Variants in LYG1 observed in about 807,000 individuals in gnomAD.
LYG1 encodes the protein lysozyme g-like protein 1.
Under a neutral mutation model 21.7 loss-of-function variants are expected in LYG1, and 17 were observed. That is an observed-to-expected ratio of 0.78 (90% CI 0.54 to 1.18). LYG1 has a LOEUF of 1.18. LYG1 is among the 50% of genes most tolerant of loss of function. The probability of loss-of-function intolerance (pLI) is 0.00; values close to 1 mark genes in which losing one functional copy is unlikely to be tolerated. For missense variants in LYG1, 211 were observed against 238.1 expected (o/e 0.89, Z 0.75); for synonymous variants, 81 against 87.4 (o/e 0.93, Z 0.41).
At chr2:99,303,711 T>G (rs929924562), upstream of LYG1, among the ~76,000 whole-genome samples, 2 of 152,194 alleles carry the variant, frequency 1.3e-5, no homozygotes, top group South Asian at 4.1e-4. Flanking sequence ...GTGACGGGGC[T>G]ATGGCTTGGC....
At chr2:99,284,914 C>G in intron 5 of LYG1, 94 bp from the exon 6 acceptor site, 2 of 1,484,306 alleles carry the variant, frequency 1.3e-6, no homozygotes, top group Non-Finnish European at 1.8e-6. Context: ...TTTCCTGTCT[C>G]TTGTTCTCCT....
At chr2:99,289,471 C>A (rs572815493) in intron 5 of LYG1, among the ~76,000 whole-genome samples, 4 of 142,516 alleles carry the variant, frequency 2.8e-5, no homozygotes, top group African/African-American at 5.1e-5. Flanking sequence ...AAAAAAAAAT[C>A]TGTTAAGATG....
intron 5 of LYG1, among the ~76,000 whole-genome samples, chr2:99,286,113 G>C (rs2094098938): frequency 6.6e-6 from 1 of 152,156 alleles, no homozygotes; most frequent in Non-Finnish European, 1.5e-5. Flanking sequence ...CTCTCACCAT[G>C]TGAGGCCCTG....
upstream of LYG1, among the ~76,000 whole-genome samples, chr2:99,302,021 C>A (rs1032865221): frequency 1.3e-5 from 2 of 152,206 alleles, no homozygotes; most frequent in African/African-American, 4.8e-5. Flanking sequence ...ACACCCTGTG[C>A]CCCAGCTCAG....
rs775308503 is a variant in LYG1, at chr2:99,291,390, T to C, written c.180A>G (p.Ile60Met). The change falls in exon 5 of 7, where the codon ATA becomes ATG. Residue 60 changes from isoleucine to methionine, a missense_variant. Coordinates refer to ENST00000308528, the MANE Select transcript of LYG1 (RefSeq NM_174898.3). Reference protein sequence around the residue: ...GVRASERLAEIDMPYLLKYQP... With the variant: ...GVRASERLAEMDMPYLLKYQP... ...GATATTTCAGGAGGTATGGCATGTC[T>C]ATTTCAGCCAGCCTTTCAGAAGCAC... 6.2e-6 allele frequency: 10 copies of C among 1,614,186 alleles called. No individual in the cohort carries two copies. Among genetic ancestry groups the C allele is most frequent in the African/African-American group, 1.3e-5 (1 of 75,054 alleles).
chr2:99,303,837 C>T (rs748290177), upstream of LYG1, among the ~76,000 whole-genome samples: 1 of 151,110 alleles, frequency 6.6e-6, no homozygotes, highest in Non-Finnish European at 1.5e-5. Context: ...ATACTGTTCT[C>T]CTGGTAGTGA....
upstream of LYG1, among the ~76,000 whole-genome samples, chr2:99,301,808 C>T (rs2094155338): frequency 6.6e-6 from 1 of 150,794 alleles, no homozygotes; most frequent in South Asian, 2.1e-4. Flanking sequence ...TACCAGTTCA[C>T]ATGTCCTCAG....
chr2:99,288,516 T>G (rs568551045), intron 5 of LYG1, among the ~76,000 whole-genome samples: 2 of 151,874 alleles, frequency 1.3e-5, no homozygotes, highest in Non-Finnish European at 2.9e-5. Context: ...AATTTGTTAT[T>G]TCAATGTGTC....
chr2:99,296,016 C>G (rs1033663448), intron 2 of LYG1, among the ~76,000 whole-genome samples: 6 of 151,998 alleles, frequency 3.9e-5, no homozygotes, highest in African/African-American at 1.2e-4. Flanking sequence ...AACATACTGA[C>G]CTGGCTCCAG....
intron 1 of LYG1, among the ~76,000 whole-genome samples, chr2:99,299,442 T>C (rs931218787): frequency 5.9e-5 from 9 of 151,664 alleles, no homozygotes; most frequent in Non-Finnish European, 1.0e-4. Context: ...TTTTTTTTTT[T>C]CAAAACATAG....
upstream of LYG1, among the ~76,000 whole-genome samples, chr2:99,301,725 A>AAC (rs1559226266): frequency 6.6e-6 from 1 of 150,414 alleles, no homozygotes; most frequent in Non-Finnish European, 1.5e-5. Context: ...TCCAAAAAAA[A>AAC]AACTTTCTTT....
chr2:99,295,228 G>A lies in LYG1; in HGVS notation c.43+400C>T, dbSNP rs541594047. Among the ~76,000 whole-genome samples, 24 of 152,294 alleles carry A rather than the reference G, an allele frequency of 1.6e-4. No individual in the cohort carries two copies. In the South Asian group the frequency reaches 4.4e-3, roughly 28 times the overall value. On this transcript the variant is annotated intron_variant, in intron 3 of 6. Coordinates refer to ENST00000308528, the MANE Select transcript of LYG1 (RefSeq NM_174898.3). ...GTGATTAGCTTAGTCATGTGTACTC[G>A]GTTGCCTTGATTCTGGTTTTCTATT...
At chr2:99,291,491 G>A in intron 4 of LYG1, 70 bp from the exon 5 acceptor site, 1 of 1,498,936 alleles carries the variant, frequency 6.7e-7, no homozygotes, top group South Asian at 1.2e-5. Context: ...CAAGGGGAGA[G>A]AGAAAGAACA....
At chr2:99,289,485 G>T (rs1292192856) in intron 5 of LYG1, among the ~76,000 whole-genome samples, 1 of 151,628 alleles carries the variant, frequency 6.6e-6, no homozygotes, top group African/African-American at 2.4e-5. Flanking sequence ...TAAGATGATA[G>T]ATCTCATGTT....
In LYG1 at chr2:99,284,699, T is replaced by C; in HGVS notation, c.455A>G (p.Gln152Arg). Reference protein sequence around the residue: ...QRRFPTWTPDQYLRGGLCAYS... With the variant: ...QRRFPTWTPDRYLRGGLCAYS... ...AGCGTTACACGTACCTCTCAGGTAC[T>C]GGTCAGGGGTCCAGGTTGGAAACCT... Residue 152 changes from glutamine to arginine, a missense_variant, in exon 6 of 7, where the codon CAG becomes CGG. Transcript: ENST00000308528. The C allele has an allele frequency of 6.2e-7, 1 of 1,614,186 alleles. No homozygotes were observed. Among genetic ancestry groups the C allele is most frequent in the Non-Finnish European group, 8.5e-7 (1 of 1,180,008 alleles).
intron 5 of LYG1, among the ~76,000 whole-genome samples, chr2:99,290,250 C>T (rs144220112): frequency 2.5e-4 from 38 of 152,300 alleles, no homozygotes; most frequent in African/African-American, 9.1e-4. Context: ...AACAGCGCAG[C>T]AGAAATGATG....
At chr2:99,291,502 A>C in intron 4 of LYG1, 81 bp from the exon 5 acceptor site, 30 of 1,414,454 alleles carry the variant, frequency 2.1e-5, no homozygotes, top group Non-Finnish European at 2.5e-5. Flanking sequence ...AGAAAGAACA[A>C]TCCAAGGATC....
rs55751852 is a variant in LYG1, at chr2:99,289,840, T to TTTGTTG, written c.333+1391_333+1396dup. On this transcript the variant is annotated intron_variant, in intron 5 of 6. Transcript: ENST00000308528. ...TGTCCAAATCTAGAGAATTCTCTTGTTTGTTGTTGTTGTTGTTGTTGTTGT... is the reference window on the plus strand; with the variant it reads ...TGTCCAAATCTAGAGAATTCTCTTGTTTGTTGTTGTTGTTGTTGTTGTTGTTGTTGT... Among the ~76,000 whole-genome samples the TTTGTTG allele has an allele frequency of 5.8e-3, 868 of 150,742 alleles. 10 individuals are homozygous for TTTGTTG. The highest frequency in any genetic ancestry group is 0.011 in the South Asian group (50 of 4,754).
At chr2:99,301,510 A>AGGGAGGG (rs1553526304), upstream of LYG1, among the ~76,000 whole-genome samples, 17 of 111,008 alleles carry the variant, frequency 1.5e-4, no homozygotes, top group South Asian at 6.2e-4. Flanking sequence ...GGAAGGAAGG[A>AGGGAGGG]AGGGAGGGAG....
Sources: allele counts gnomAD v4.1 joint callset (sites outside exome capture counted in the v4.1 genomes callset), GRCh38; gene constraint gnomAD v4.1.1; transcripts MANE v1.5; gene names NCBI Gene and HGNC (gene_info 2026-07-23, HGNC 2026-07-21).